The following SCARA3 variants were observed in gnomAD, a reference collection of about 807,000 sequenced individuals.
The protein encoded by SCARA3 is cellular stress response gene protein.
In SCARA3, 39 loss-of-function variants were observed where a neutral mutation model predicts 47.0. The ratio of observed to expected loss-of-function variants is 0.83; its 90% CI spans 0.64 to 1.08. The LOEUF is 1.08. SCARA3 is among the 50% of genes least tolerant of loss of function. The pLI, the probability that SCARA3 is intolerant of heterozygous loss-of-function variation, is 0.00. For synonymous variants in SCARA3, 356 were observed against 334.1 expected (o/e 1.07, Z -0.71); for missense variants, 724 against 792.3 (o/e 0.91, Z 1.04).
chr8:27,692,174 T>C, the SCARA3 span, among the ~76,000 whole-genome samples: 1 of 152,190 alleles, frequency 6.6e-6, no homozygotes, highest in Non-Finnish European at 1.5e-5. Context: ...GTCTCACACC[T>C]GTAATCCCAG....
intron 3 of SCARA3, among the ~76,000 whole-genome samples, chr8:27,653,209 G>A (rs1048660408): frequency 1.3e-5 from 2 of 152,228 alleles, no homozygotes; most frequent in Non-Finnish European, 2.9e-5. Flanking sequence ...GCCCAGAGAA[G>A]AGCGCAGGCA....
intron 1 of SCARA3, among the ~76,000 whole-genome samples, chr8:27,641,618 T>C (rs951776457): frequency 2.0e-5 from 3 of 152,110 alleles, no homozygotes; most frequent in Non-Finnish European, 4.4e-5. Flanking sequence ...AACTCAACCC[T>C]TGGGGACTGG....
At chr8:27,646,461 A>G (rs1194837729) in intron 1 of SCARA3, among the ~76,000 whole-genome samples, 2 of 152,188 alleles carry the variant, frequency 1.3e-5, no homozygotes. Flanking sequence ...TGCAAAGGCT[A>G]TAAACAGTGA....
At chr8:27,649,461 G>T (rs535799705) in intron 1 of SCARA3, among the ~76,000 whole-genome samples, 21 of 152,312 alleles carry the variant, frequency 1.4e-4, no homozygotes, top group African/African-American at 4.8e-4. Flanking sequence ...TGGCCCATGT[G>T]TCTTTCCCAG....
Position 27,672,738 on chromosome 8 carries a change from C to T in SCARA3, c.*1387C>T. 1.0e-6 allele frequency: 1 copy of T among 985,598 alleles called. No homozygotes were observed. The highest frequency in any genetic ancestry group is 1.2e-6 in the Non-Finnish European group (1 of 830,054). The allele number at this position is 985,598 out of a possible 1,614,324, so 61.1% of individuals were successfully genotyped here. On this transcript the variant is annotated 3_prime_UTR_variant, in exon 6 of 6. Coordinates refer to ENST00000301904, the MANE Select transcript of SCARA3 (RefSeq NM_016240.3). ...AAATCACCCCACAGGGTGGAGGTCTCCTGTTGGCTACACTCTAAAGCTGCT... is the reference window on the plus strand; with the variant it reads ...AAATCACCCCACAGGGTGGAGGTCTTCTGTTGGCTACACTCTAAAGCTGCT...
chr8:27,653,975 G>A (rs34846005), intron 3 of SCARA3, among the ~76,000 whole-genome samples: 2 of 152,122 alleles, frequency 1.3e-5, no homozygotes, highest in East Asian at 3.9e-4. Flanking sequence ...ATGAATGGGG[G>A]TGGCAACTCC....
chr8:27,712,471 G>T, the SCARA3 span, among the ~76,000 whole-genome samples: 1 of 148,362 alleles, frequency 6.7e-6, no homozygotes, highest in African/African-American at 2.5e-5. Context: ...GCTGAGGCAG[G>T]AGAATGGCGT....
At chr8:27,693,939 G>A in the SCARA3 span, among the ~76,000 whole-genome samples, 6 of 152,254 alleles carry the variant, frequency 3.9e-5, no homozygotes, top group Admixed American at 6.5e-5. Context: ...TACAGGTATC[G>A]TTTGATGAAT....
intron 1 of SCARA3, among the ~76,000 whole-genome samples, chr8:27,642,698 C>T (rs182042892): frequency 6.6e-6 from 1 of 152,266 alleles, no homozygotes; most frequent in East Asian, 1.9e-4. Flanking sequence ...ATGGCACACA[C>T]CTGTAGCCTC....
the SCARA3 span, among the ~76,000 whole-genome samples, chr8:27,693,693 T>G: frequency 1.3e-5 from 2 of 152,178 alleles, no homozygotes; most frequent in African/African-American, 4.8e-5. Flanking sequence ...AACACAGATC[T>G]TAAGTCTAAT....
At chr8:27,717,460 T>C in the SCARA3 span, among the ~76,000 whole-genome samples, 4 of 152,278 alleles carry the variant, frequency 2.6e-5, no homozygotes, top group Admixed American at 2.6e-4. Flanking sequence ...TCCATGTAAT[T>C]TTTATTTTGA....
At chr8:27,685,226 G>A in the SCARA3 span, among the ~76,000 whole-genome samples, 1 of 152,104 alleles carries the variant, frequency 6.6e-6, no homozygotes, top group East Asian at 1.9e-4. Flanking sequence ...AAATTCATAG[G>A]AAAACATAAC....
the SCARA3 span, among the ~76,000 whole-genome samples, chr8:27,716,637 G>T: frequency 6.6e-6 from 1 of 152,146 alleles, no homozygotes; most frequent in South Asian, 2.1e-4. Flanking sequence ...AATGTAGACA[G>T]AATGGTAAAG....
rs34419987 is a variant in SCARA3 at position 27,666,018 on chromosome 8, C to T, written c.1370-4882C>T. Among the ~76,000 whole-genome samples the T allele has an allele frequency of 7.1e-3, 1,089 of 152,326 alleles. 18 individuals carry two copies. The highest frequency in any genetic ancestry group is 0.025 in the African/African-American group (1,027 of 41,578). On this transcript the variant is annotated intron_variant, in intron 5 of 5. Transcript: ENST00000301904. ...CAAATGTGTTGTTCTATAAGCACCA[C>T]CCTCCATCCTACTTCCACACTGAAG...
chr8:27,681,931 C>T, the SCARA3 span, among the ~76,000 whole-genome samples: 54 of 150,812 alleles, frequency 3.6e-4, no homozygotes, highest in African/African-American at 9.5e-4. Flanking sequence ...GAGAAGCTGA[C>T]GATAAAATGT....
chr8:27,655,629 A>C (rs1801727048), intron 3 of SCARA3, among the ~76,000 whole-genome samples: 1 of 152,202 alleles, frequency 6.6e-6, no homozygotes, highest in African/African-American at 2.4e-5. Context: ...TTATCCCAAG[A>C]GAATTATCAT....
In SCARA3 at chr8:27,672,994, A is replaced by C. The variant is rs1006463220; in HGVS notation, c.*1643A>C. 1 of 985,232 alleles carries C rather than the reference A, an allele frequency of 1.0e-6. No individual in the cohort carries two copies. Among genetic ancestry groups the C allele is most frequent in the Non-Finnish European group, 1.2e-6 (1 of 829,894 alleles). 61.0% of individuals were successfully genotyped at this position (985,232 alleles called of 1,614,324 possible). Reference sequence around the variant, plus strand: ...AATACCATTCTGCATAGTATTACTGACTCAGTAAAGAGCTATTTCCAGGAG... The same window carrying C: ...AATACCATTCTGCATAGTATTACTGCCTCAGTAAAGAGCTATTTCCAGGAG... On this transcript the variant is annotated 3_prime_UTR_variant, in exon 6 of 6. Coordinates refer to ENST00000301904, the MANE Select transcript of SCARA3 (RefSeq NM_016240.3).
chr8:27,719,707 T>G, the SCARA3 span, among the ~76,000 whole-genome samples: 6 of 152,062 alleles, frequency 3.9e-5, no homozygotes, highest in African/African-American at 7.2e-5. Context: ...TTGGTAAACA[T>G]CCTATTATTT....
chr8:27,719,367 T>C, the SCARA3 span, among the ~76,000 whole-genome samples: 4 of 152,090 alleles, frequency 2.6e-5, no homozygotes, highest in East Asian at 7.7e-4. Context: ...CAACACACAC[T>C]GGGGACTTTC....
Sources: allele counts gnomAD v4.1 joint callset (sites outside exome capture counted in the v4.1 genomes callset), GRCh38; gene constraint gnomAD v4.1.1; transcripts MANE v1.5; gene names NCBI Gene and HGNC (gene_info 2026-07-23, HGNC 2026-07-21).